The following SLC28A1 variants were observed in gnomAD, a reference collection of about 807,000 sequenced individuals.
The protein encoded by SLC28A1 is solute carrier family 28 member 1.
A neutral mutation model predicts 74.8 loss-of-function variants in SLC28A1; 64 were observed. The observed-to-expected ratio is 0.86, with a 90% CI of 0.70 to 1.05. The LOEUF is 1.05. SLC28A1 is among the 50% of genes least tolerant of loss of function. SLC28A1 has a pLI of 0.00. For missense variants in SLC28A1, 828 were observed against 822.8 expected (o/e 1.01, Z -0.08); for synonymous variants, 359 against 335.0 (o/e 1.07, Z -0.78).
Position 84,890,552 on chromosome 15 carries a change from C to T in SLC28A1, c.277+18C>T. ...CTGCACTGGTGAGCCTGGGGCCCAGCACTACCCAGGACACAATGACTCCTG... is the reference window on the plus strand; with the variant it reads ...CTGCACTGGTGAGCCTGGGGCCCAGTACTACCCAGGACACAATGACTCCTG... On this transcript the variant is annotated intron_variant, in intron 5 of 18. Coordinates refer to ENST00000394573, the MANE Select transcript of SLC28A1 (RefSeq NM_004213.5). 2 of 1,588,740 alleles carry T rather than the reference C, an allele frequency of 1.3e-6. No homozygotes were observed.
At chr15:84,935,547 AG>A (rs1567181846) in intron 15 of SLC28A1, 29 bp downstream of exon 15, 4 of 1,594,890 alleles carry the variant, frequency 2.5e-6, no homozygotes, top group Admixed American at 1.7e-5. Context: ...TCCCTGCAGC[AG>A]GGGGATGACA....
At chr15:84,936,782 A>G (rs1030019053) in intron 15 of SLC28A1, among the ~76,000 whole-genome samples, 6 of 151,996 alleles carry the variant, frequency 3.9e-5, no homozygotes, top group Admixed American at 1.3e-4. Context: ...GTCAGGTGCA[A>G]TGGCTCATGC....
chr15:84,886,233 G>A (rs1158601981), intron 1 of SLC28A1: 1 of 985,258 alleles, frequency 1.0e-6, no homozygotes, highest in Non-Finnish European at 1.2e-6. Context: ...CAGCTACACT[G>A]CTTTCCTCAT....
chr15:84,960,228 C>CTTTT, the SLC28A1 span, among the ~76,000 whole-genome samples: 39 of 85,572 alleles, frequency 4.6e-4, no homozygotes, highest in Non-Finnish European at 6.1e-4. Flanking sequence ...TGCCTGCCTG[C>CTTTT]TTTTTTTTTT....
intron 5 of SLC28A1, among the ~76,000 whole-genome samples, chr15:84,893,937 G>C (rs1021316867): frequency 3.9e-5 from 6 of 152,194 alleles, no homozygotes; most frequent in Non-Finnish European, 8.8e-5. Context: ...CGCTTTCTCT[G>C]TGATACCAGT....
At chr15:84,916,240 C>CAGGTGTGAGCCACCATGCCTGGCTTTT (rs1555449976) in intron 9 of SLC28A1, among the ~76,000 whole-genome samples, 21 of 98,404 alleles carry the variant, frequency 2.1e-4, no homozygotes, top group South Asian at 4.3e-4. Context: ...GCTGGGATTA[C>CAGGTGTGAGCCACCATGCCTGGCTTTT]TTTTTTTTTT....
the SLC28A1 span, among the ~76,000 whole-genome samples, chr15:84,954,594 A>G: frequency 6.6e-6 from 1 of 152,196 alleles, no homozygotes; most frequent in Non-Finnish European, 1.5e-5. Flanking sequence ...TGAGACGTGG[A>G]GAAGTGAAGT....
At chr15:84,910,497 G>C (rs2141835694) in intron 9 of SLC28A1, among the ~76,000 whole-genome samples, 1 of 152,278 alleles carries the variant, frequency 6.6e-6, no homozygotes, top group Middle Eastern at 3.4e-3. Context: ...GGGAGGCTGA[G>C]GCAGGCGGAT....
At chr15:84,968,913 AG>A in the SLC28A1 span, among the ~76,000 whole-genome samples, 1 of 152,152 alleles carries the variant, frequency 6.6e-6, no homozygotes, top group African/African-American at 2.4e-5. Flanking sequence ...AGCCCGGGTA[AG>A]GGGAGAGGGA....
At chr15:84,946,654 G>A (rs1302270240), downstream of SLC28A1, among the ~76,000 whole-genome samples, 1 of 152,110 alleles carries the variant, frequency 6.6e-6, no homozygotes, top group African/African-American at 2.4e-5. Context: ...CACAAACTGC[G>A]ATGTGGGGCC....
chr15:84,894,860 G>C lies in SLC28A1; in HGVS notation c.278-80G>C. 6 of 1,380,728 alleles carry C rather than the reference G, an allele frequency of 4.3e-6. No homozygotes were observed. The South Asian group carries it at 6.9e-5, about 16-fold the overall frequency. The allele number at this position is 1,380,728 out of a possible 1,614,324, so 85.5% of individuals were successfully genotyped here. ...CCCTCCACGCTCTGGGTGGAGTAAG[G>C]TGGAGTCCGCGGGCGGGGCTGCAGG... On this transcript the variant is annotated intron_variant, in intron 5 of 18. Coordinates refer to ENST00000394573, the MANE Select transcript of SLC28A1 (RefSeq NM_004213.5).
intron 8 of SLC28A1, among the ~76,000 whole-genome samples, chr15:84,906,524 G>GTTTCTTTC (rs1206034521): frequency 0.013 from 753 of 58,698 alleles, 11 homozygotes; most frequent in East Asian, 0.029. Flanking sequence ...TTGTTTGTTT[G>GTTTCTTTC]TTTGTTTCTT....
chr15:84,913,045 AG>A (rs927675302), intron 9 of SLC28A1, among the ~76,000 whole-genome samples: 24 of 152,214 alleles, frequency 1.6e-4, no homozygotes, highest in African/African-American at 5.5e-4. Context: ...AATGGGAATG[AG>A]GGGCAAAATG....
chr15:84,912,847 C>CACACACACACACACAA (rs60379618), intron 9 of SLC28A1, among the ~76,000 whole-genome samples: 18 of 131,086 alleles, frequency 1.4e-4, no homozygotes, highest in African/African-American at 3.9e-4. Flanking sequence ...CACACACACA[C>CACACACACACACACAA]AGATCAAATA....
At chr15:84,897,404 C>CCAAA (rs200195408) in intron 6 of SLC28A1, among the ~76,000 whole-genome samples, 3 of 151,814 alleles carry the variant, frequency 2.0e-5, no homozygotes, top group Admixed American at 6.6e-5. Flanking sequence ...AAAATCCAAA[C>CCAAA]CAAACAAACA....
At chr15:84,954,309 G>C in the SLC28A1 span, among the ~76,000 whole-genome samples, 1 of 152,198 alleles carries the variant, frequency 6.6e-6, no homozygotes, top group East Asian at 1.9e-4. Context: ...AGGAGGAGCA[G>C]TTTCCCACGA....
chr15:84,941,632 C>A (rs1019950396), intron 15 of SLC28A1, among the ~76,000 whole-genome samples: 1 of 151,904 alleles, frequency 6.6e-6, no homozygotes, highest in South Asian at 2.1e-4. Flanking sequence ...GCCTGTAATT[C>A]CAACACTTTG....
chr15:84,962,968 C>G, the SLC28A1 span, among the ~76,000 whole-genome samples: 1 of 152,170 alleles, frequency 6.6e-6, no homozygotes, highest in African/African-American at 2.4e-5. Context: ...GCCACCAAGC[C>G]TGAGGTGCCA....
In SLC28A1 at chr15:84,887,851, A is replaced by G. The variant is rs771152735; in HGVS notation, c.91A>G (p.Ser31Gly). The part of the protein sequence containing the change: ...LENMGADFLE[S>G]LEEGQLPRSD... ...GAACATGGGGGCTGATTTCTTGGAA[A>G]GCCTGGTCTGTACCCTTCCCCATCA... The change falls in exon 3 of 19, where the codon AGC becomes GGC. Residue 31 changes from serine (S) to glycine (G), a missense_variant. Ser to Gly is a moderately conservative substitution (Grantham distance 56). Coordinates refer to ENST00000394573, the MANE Select transcript of SLC28A1 (RefSeq NM_004213.5). The G allele has an allele frequency of 2.9e-5, 46 of 1,611,146 alleles. No homozygotes were observed. Among genetic ancestry groups the G allele is most frequent in the Non-Finnish European group, 3.4e-5 (40 of 1,177,464 alleles).
Sources: allele counts gnomAD v4.1 joint callset (sites outside exome capture counted in the v4.1 genomes callset), GRCh38; gene constraint gnomAD v4.1.1; transcripts MANE v1.5; gene names NCBI Gene and HGNC (gene_info 2026-07-23, HGNC 2026-07-21).